The following RBBP5 variants were observed in gnomAD, a reference collection of about 807,000 sequenced individuals.
The protein encoded by RBBP5 is RB binding protein 5, histone lysine methyltransferase complex subunit.
RBBP5 carries 5 observed loss-of-function variants against 72.2 expected under a neutral mutation model. The ratio of observed to expected loss-of-function variants is 0.07; its 90% CI spans 0.04 to 0.15. The LOEUF is 0.15. Ranked by LOEUF, RBBP5 falls within the 10% of genes least tolerant of loss-of-function variation. The pLI is 1.00. For missense variants in RBBP5, 322 were observed against 652.2 expected, an observed-to-expected ratio of 0.49 and a Z score of 5.51; for synonymous variants, 209 against 237.2, an observed-to-expected ratio of 0.88 and a Z score of 1.09.
intron 12 of RBBP5, among the ~76,000 whole-genome samples, chr1:205,096,210 T>TG (rs1655612026): frequency 2.6e-5 from 4 of 151,114 alleles, no homozygotes; most frequent in African/African-American, 9.7e-5. Flanking sequence ...TAAAATAAAA[T>TG]AAAATAAATA....
chr1:205,103,225 A>C (rs1655917126), intron 5 of RBBP5, among the ~76,000 whole-genome samples: 1 of 51,194 alleles, frequency 2.0e-5, no homozygotes, highest in African/African-American at 7.5e-5. Flanking sequence ...CTCCATCTCA[A>C]AAAAAAAAAA....
intron 5 of RBBP5, among the ~76,000 whole-genome samples, chr1:205,102,921 A>C (rs1049874645): frequency 1.3e-5 from 2 of 149,920 alleles, no homozygotes; most frequent in Admixed American, 1.3e-4. Context: ...GGAACCCGGG[A>C]GGGAGAGGTT....
intron 1 of RBBP5, chr1:205,116,228 CTT>C (rs1656514324): frequency 7.3e-6 from 3 of 410,468 alleles, no homozygotes; most frequent in South Asian, 6.9e-5. Flanking sequence ...TCACTAAATA[CTT>C]TGTTTTTGAA....
Position 205,090,143 on chromosome 1 carries a change from T to C in RBBP5, c.1589-1328A>G, listed in dbSNP as rs1655286846. On this transcript the variant is annotated intron_variant, in intron 13 of 13. Transcript: ENST00000264515. ...TGCTGGGATTACAAGCGTGAGCCAC[T>C]GTGCCCAGCTACATTGATTTTTAAA... 2.6e-5 allele frequency among the ~76,000 whole-genome samples: 4 copies of C among 152,308 alleles called. No individual in the cohort carries two copies. In the South Asian group the frequency reaches 8.3e-4, roughly 32 times the overall value.
At position 205,093,458 on chromosome 1, in the gene RBBP5, C is replaced by CCAAAAAAAAAAAAAAAAAAA. The variant is rs1553352080; in HGVS notation, c.1588+1414_1588+1415insTTTTTTTTTTTTTTTTTTTG. Among the ~76,000 whole-genome samples, 16 of 18,326 alleles carry CCAAAAAAAAAAAAAAAAAAA rather than the reference C, an allele frequency of 8.7e-4. 6 individuals are homozygous for CCAAAAAAAAAAAAAAAAAAA. The highest frequency in any genetic ancestry group is 1.3e-3 in the African/African-American group (4 of 3,080). The allele number at this position is 18,326 out of a possible 152,430, so 12.0% of individuals were successfully genotyped here. On this transcript the variant is annotated intron_variant, in intron 13 of 13. Coordinates refer to ENST00000264515, the MANE Select transcript of RBBP5 (RefSeq NM_005057.4). ...TGGGGACAAGAGTGAAACTCCGTTT[C>CCAAAAAAAAAAAAAAAAAAA]AAAAAAAAAAAAAAAAAAAAAATAT...
At chr1:205,115,758 T>C (rs1460688183) in intron 2 of RBBP5, 100 bp downstream of exon 2, 4 of 1,376,530 alleles carry the variant, frequency 2.9e-6, no homozygotes, top group Non-Finnish European at 3.9e-6. Context: ...CACTTAATGC[T>C]TCTCTGTCAA....
intron 11 of RBBP5, among the ~76,000 whole-genome samples, 181 bp from the exon 12 acceptor site, chr1:205,097,092 T>G (rs1049668393): frequency 2.0e-5 from 3 of 152,072 alleles, no homozygotes; most frequent in Admixed American, 6.5e-5. Context: ...GTGATAAAAA[T>G]AAACAGGATA....
At chr1:205,088,843 C>A (rs1197008333) in intron 13 of RBBP5, 28 bp from the exon 14 acceptor site, 2 of 1,552,056 alleles carry the variant, frequency 1.3e-6, no homozygotes, top group South Asian at 1.2e-5. Flanking sequence ...AAAAAGATTT[C>A]TTTTAGCTTC....
intron 6 of RBBP5, among the ~76,000 whole-genome samples, chr1:205,100,691 T>A (rs944080034): frequency 7.2e-5 from 11 of 152,250 alleles, no homozygotes; most frequent in African/African-American, 2.7e-4. Context: ...GAAATCTGTA[T>A]GAAATATTAG....
At chr1:205,108,987 C>CA (rs1291890786) in intron 3 of RBBP5, among the ~76,000 whole-genome samples, 2 of 152,082 alleles carry the variant, frequency 1.3e-5, no homozygotes, top group African/African-American at 4.8e-5. Context: ...TTATTTATAT[C>CA]AGAGACAAAA....
At position 205,099,835 on chromosome 1, in the gene RBBP5, A is replaced by G; in HGVS notation, c.907-23T>C. On this transcript the variant is annotated intron_variant, in intron 8 of 13. Coordinates refer to ENST00000264515, the MANE Select transcript of RBBP5 (RefSeq NM_005057.4). The surrounding 1 kb of genome is among the most constrained non-coding windows in gnomAD (Gnocchi z 4.7). Reference sequence around the variant, plus strand: ...CCACTAAATTTTAGTGAAGGAAAGAAAAACAGGTTGTTAAGAACAGATTTT... The same window carrying G: ...CCACTAAATTTTAGTGAAGGAAAGAGAAACAGGTTGTTAAGAACAGATTTT... 3 of 1,613,828 alleles carry G rather than the reference A, an allele frequency of 1.9e-6. No individual in the cohort carries two copies. Among genetic ancestry groups the G allele is most frequent in the Non-Finnish European group, 2.5e-6 (3 of 1,179,748 alleles).
intron 3 of RBBP5, among the ~76,000 whole-genome samples, chr1:205,113,811 A>G (rs1028946151): frequency 2.0e-5 from 3 of 151,876 alleles, no homozygotes; most frequent in African/African-American, 7.3e-5. Flanking sequence ...CAGCCTCCCA[A>G]GTAGCTGGGA....
rs1655156455 is a variant in RBBP5, at chr1:205,086,758, T to C, written c.*2029A>G. On this transcript the variant is annotated 3_prime_UTR_variant, in exon 14 of 14. Transcript: ENST00000264515. ...AAGATGATTTTCTCAGTAGCCAGTT[T>C]AGGAGGTGGACATAGCACAAACATC... 1 of 152,116 alleles carries C rather than the reference T, an allele frequency of 6.6e-6. No individual in the cohort carries two copies. The allele number at this position is 152,116 out of a possible 1,614,324, so 9.4% of individuals were successfully genotyped here.
chr1:205,100,148 A>G lies in RBBP5; in HGVS notation c.752+4T>C, dbSNP rs1655762388. On this transcript the variant is annotated splice_donor_region_variant and intron_variant, in intron 7 of 13. Coordinates refer to ENST00000264515, the MANE Select transcript of RBBP5 (RefSeq NM_005057.4). ...CACATATTCTTCTAGGTTGTGATAC[A>G]TACCTATTCACCAAATCCTGCAATT... 1.9e-6 allele frequency: 3 copies of G among 1,614,244 alleles called. No homozygotes were observed. The highest frequency in any genetic ancestry group is 4.5e-5 in the East Asian group (2 of 44,892).
At position 205,113,686 on chromosome 1, in the gene RBBP5, AT is replaced by A. The variant is rs34699278; in HGVS notation, c.218+1102del. Among the ~76,000 whole-genome samples the A allele has an allele frequency of 9.9e-3, 1,250 of 125,710 alleles. 8 individuals are homozygous for A. Among genetic ancestry groups the A allele is most frequent in the African/African-American group, 0.029 (1,089 of 37,506 alleles). The allele number at this position is 125,710 out of a possible 152,430, so 82.5% of individuals were successfully genotyped here. On this transcript the variant is annotated intron_variant, in intron 3 of 13. Coordinates refer to ENST00000264515, the MANE Select transcript of RBBP5 (RefSeq NM_005057.4). Reference sequence around the variant, plus strand: ...CATACACACACACATAAAAATGTGTATTTTTTTTTTTTTTTTGAAACAGAGT... The same window carrying A: ...CATACACACACACATAAAAATGTGTATTTTTTTTTTTTTTTGAAACAGAGT...
intron 10 of RBBP5, among the ~76,000 whole-genome samples, chr1:205,098,577 C>T (rs1209341412): frequency 1.3e-5 from 2 of 152,098 alleles, no homozygotes; most frequent in Non-Finnish European, 1.5e-5. Context: ...GGCACAGTGG[C>T]TCATGTCTGT....
chr1:205,103,941 C>T lies in RBBP5; in HGVS notation c.438G>A (p.Pro146=), dbSNP rs17854844. The T allele has an allele frequency of 3.5e-3, 5,575 of 1,614,084 alleles. 18 individuals carry two copies. Among genetic ancestry groups the T allele is most frequent in the Admixed American group, 7.5e-3 (448 of 60,010 alleles). ...CGTTCAAATCGGAGTCATCGTCCAC[C>T]GGCAGAACAACATGTTTGGAATCTG... ...TLSDSKHVVL[P]VDDDSDLNVV... The change falls in exon 5 of 14, where the codon CCG becomes CCA. Residue 146 remains proline, a synonymous_variant. Coordinates refer to ENST00000264515, the MANE Select transcript of RBBP5 (RefSeq NM_005057.4).
chr1:205,114,295 C>T (rs1656437927), intron 3 of RBBP5, among the ~76,000 whole-genome samples: 2 of 152,172 alleles, frequency 1.3e-5, no homozygotes, highest in Admixed American at 1.3e-4. Context: ...CAAATAGTTT[C>T]AGAGAGCAAG....
At chr1:205,095,828 A>G (rs1032295011) in intron 12 of RBBP5, among the ~76,000 whole-genome samples, 1 of 152,252 alleles carries the variant, frequency 6.6e-6, no homozygotes, top group African/African-American at 2.4e-5. Flanking sequence ...TGTCTGAAAC[A>G]GAGTAGACAC....
Sources: gnomAD v4.1 joint callset for allele counts (sites outside exome capture counted in the v4.1 genomes callset) on GRCh38, gnomAD v4.1.1 for gene constraint, Gnocchi (gnomAD v3.1) non-coding constraint, MANE v1.5 for transcripts, NCBI Gene and HGNC (gene_info 2026-07-23, HGNC 2026-07-21) for gene names.